ZBTB38: variants seen among roughly 807,000 people sequenced by gnomAD.
ZBTB38 encodes the protein zinc finger and BTB domain-containing protein 38.
ZBTB38 carries 20 observed loss-of-function variants against 76.8 expected under a neutral mutation model. The ratio of observed to expected loss-of-function variants is 0.26; its 90% CI spans 0.18 to 0.38. The LOEUF (loss-of-function observed/expected upper bound fraction) is 0.38. Among genes scored for constraint, ZBTB38 ranks in the 10% least tolerant of loss-of-function variants. The pLI, the probability that ZBTB38 is intolerant of heterozygous loss-of-function variation, is 1.00. For missense variants in ZBTB38, 1,082 were observed against 1,482.3 expected (o/e 0.73, Z 4.43); for synonymous variants, 504 against 544.2 (o/e 0.93, Z 1.03).
intron 3 of ZBTB38, 97 bp downstream of exon 3, chr3:141,381,584 T>G (rs1946197853): frequency 6.6e-6 from 1 of 152,250 alleles, no homozygotes; most frequent in Non-Finnish European, 1.5e-5. Context: ...GAGTTCAGAA[T>G]CCTCAAGCAT....
intron 1 of ZBTB38, among the ~76,000 whole-genome samples, chr3:141,340,996 G>GAAAGAGA: frequency 1.1e-5 from 1 of 91,988 alleles, no homozygotes; most frequent in African/African-American, 3.8e-5. Context: ...GAAAGAGAAA[G>GAAAGAGA]AAGAAAGAAA....
chr3:141,404,734 T>C lies in ZBTB38; in HGVS notation c.-1+703T>C, dbSNP rs114382897. The stretch of plus-strand genomic sequence containing the variant: ...GGTGAGGAAGAATAGGCGTAAAGGA[T>C]TGAAATGTGAAAATAGAGACAGGTC... On this transcript the variant is annotated intron_variant, in intron 5 of 5. Transcript: ENST00000321464. 3.8e-3 allele frequency among the ~76,000 whole-genome samples: 579 copies of C among 152,296 alleles called. 3 individuals are homozygous for C. The highest frequency in any genetic ancestry group is 0.013 in the African/African-American group (530 of 41,560).
At chr3:141,418,642 C>G (rs1158809630) in intron 5 of ZBTB38, among the ~76,000 whole-genome samples, 1 of 152,192 alleles carries the variant, frequency 6.6e-6, no homozygotes, top group African/African-American at 2.4e-5. Context: ...TGTACTGATA[C>G]TGCATTATAC....
chr3:141,446,134 T>C lies in ZBTB38; in HGVS notation c.*158T>C, dbSNP rs1288645571. 1.8e-5 allele frequency: 12 copies of C among 680,414 alleles called. No individual in the cohort carries two copies. Among genetic ancestry groups the C allele is most frequent in the Non-Finnish European group, 2.4e-5 (11 of 451,298 alleles). The allele number at this position is 680,414 out of a possible 1,614,324, so 42.1% of individuals were successfully genotyped here. A position where few individuals can be genotyped will look rare whatever the true frequency, so the allele number is the denominator to read the frequency against. ...AAATTCCAGAAAAAGGATCCTAATA[T>C]CTACTTTGGGTTTTAGCATTAACTT... On this transcript the variant is annotated 3_prime_UTR_variant, in exon 6 of 6. Coordinates refer to ENST00000321464, the MANE Select transcript of ZBTB38 (RefSeq NM_001376113.1).
chr3:141,423,533 A>G (rs6801329), intron 5 of ZBTB38, among the ~76,000 whole-genome samples: 11,360 of 152,166 alleles, frequency 0.075, 1,431 homozygotes, highest in African/African-American at 0.26. Context: ...TGTAATTTAA[A>G]CCCAGGAGTG....
intron 5 of ZBTB38, among the ~76,000 whole-genome samples, chr3:141,434,818 G>A (rs953169833): frequency 1.3e-5 from 2 of 151,688 alleles, no homozygotes; most frequent in African/African-American, 4.8e-5. Flanking sequence ...GTCCTTATAA[G>A]TATAATATAT....
intron 1 of ZBTB38, among the ~76,000 whole-genome samples, chr3:141,369,201 C>G (rs1352464372): frequency 6.6e-6 from 1 of 152,044 alleles, no homozygotes; most frequent in Non-Finnish European, 1.5e-5. Context: ...AAAAATAAAC[C>G]CTGTTCTAGG....
chr3:141,425,766 C>A (rs1053976415), intron 5 of ZBTB38, among the ~76,000 whole-genome samples: 3 of 152,222 alleles, frequency 2.0e-5, no homozygotes, highest in Non-Finnish European at 4.4e-5. Flanking sequence ...AAGCTAAGTT[C>A]TTTATGTTTT....
At chr3:141,351,904 T>C (rs954520656) in intron 1 of ZBTB38, among the ~76,000 whole-genome samples, 1 of 152,222 alleles carries the variant, frequency 6.6e-6, no homozygotes, top group South Asian at 2.1e-4. Flanking sequence ...GAAGATACCA[T>C]TTGAACCTCA....
At chr3:141,363,682 A>G (rs958327257), upstream of ZBTB38, among the ~76,000 whole-genome samples, 4 of 152,208 alleles carry the variant, frequency 2.6e-5, no homozygotes, top group African/African-American at 9.7e-5. Context: ...TAGTTTTTTA[A>G]ATAAACTCTT....
intron 5 of ZBTB38, among the ~76,000 whole-genome samples, chr3:141,415,343 C>T (rs998519905): frequency 6.6e-6 from 1 of 152,084 alleles, no homozygotes; most frequent in African/African-American, 2.4e-5. Context: ...CTAGGGGGGC[C>T]AGGGTGGAAT....
chr3:141,386,472 C>T (rs1045353066), intron 3 of ZBTB38: 7 of 152,256 alleles, frequency 4.6e-5, no homozygotes, highest in Non-Finnish European at 7.3e-5. Flanking sequence ...ACAAGCCTGC[C>T]GGCACCATTT....
rs542281777 is a variant in ZBTB38 at position 141,401,203 on chromosome 3, GT to G, written c.-105-2716del. Among the ~76,000 whole-genome samples, 19 of 151,860 alleles carry G rather than the reference GT, an allele frequency of 1.3e-4. No homozygotes were observed. In the South Asian group the frequency reaches 3.7e-3, roughly 30 times the overall value. On this transcript the variant is annotated intron_variant, in intron 4 of 5. Coordinates refer to ENST00000321464, the MANE Select transcript of ZBTB38 (RefSeq NM_001376113.1). ...AAAAACATTGCAGGTTTTTGTTTTTGTTTTTTTTAAGTGGGAAGATGAATCA... is the reference window on the plus strand; with the variant it reads ...AAAAACATTGCAGGTTTTTGTTTTTGTTTTTTTAAGTGGGAAGATGAATCA...
At chr3:141,408,183 A>T (rs1378041967) in intron 5 of ZBTB38, among the ~76,000 whole-genome samples, 2 of 152,226 alleles carry the variant, frequency 1.3e-5, no homozygotes, top group Non-Finnish European at 2.9e-5. Flanking sequence ...CAATCTCTGC[A>T]TCTTAAAGTC....
intron 1 of ZBTB38, among the ~76,000 whole-genome samples, chr3:141,354,824 G>A (rs1043894667): frequency 3.9e-5 from 6 of 152,078 alleles, no homozygotes; most frequent in African/African-American, 1.4e-4. Context: ...TCATCCTGTT[G>A]TTCCTCAGGT....
chr3:141,389,002 T>G (rs1947976585), intron 4 of ZBTB38: 1 of 152,150 alleles, frequency 6.6e-6, no homozygotes, highest in South Asian at 2.1e-4. Flanking sequence ...AATCAGAAAA[T>G]GCTTGTACTC....
chr3:141,429,717 G>A (rs1379463341), intron 5 of ZBTB38, among the ~76,000 whole-genome samples: 1 of 152,224 alleles, frequency 6.6e-6, no homozygotes, highest in East Asian at 1.9e-4. Context: ...CAAAGGGGCA[G>A]CAGATAGAGA....
intron 5 of ZBTB38, among the ~76,000 whole-genome samples, chr3:141,412,300 A>G (rs948759839): frequency 6.6e-6 from 1 of 152,180 alleles, no homozygotes; most frequent in East Asian, 1.9e-4. Flanking sequence ...CGTATTCCCA[A>G]AAGGTCTCTT....
chr3:141,441,037 A>C (rs1252578016), intron 5 of ZBTB38, among the ~76,000 whole-genome samples: 2 of 151,252 alleles, frequency 1.3e-5, no homozygotes, highest in South Asian at 2.1e-4. Flanking sequence ...AATCTCAAAA[A>C]AAAAAAAAAA....
Sources: gnomAD v4.1 joint callset for allele counts (sites outside exome capture counted in the v4.1 genomes callset) on GRCh38, gnomAD v4.1.1 for gene constraint, MANE v1.5 for transcripts, NCBI Gene and HGNC (gene_info 2026-07-23, HGNC 2026-07-21) for gene names.